The following PRELID2 variants were observed in gnomAD, a reference collection of about 807,000 sequenced individuals.
PRELID2 encodes the protein PRELI domain containing 2, also known as PRELI domain-containing protein 2.
A neutral mutation model predicts 28.4 loss-of-function variants in PRELID2; 25 were observed. That is an observed-to-expected ratio of 0.88 (90% CI 0.64 to 1.23). The LOEUF (loss-of-function observed/expected upper bound fraction) is 1.23, where lower values mean the gene tolerates loss of function less well. Ranked by LOEUF, PRELID2 falls within the 50% of genes most tolerant of loss-of-function variation. PRELID2 has a pLI of 0.00. For synonymous variants in PRELID2, 76 were observed against 71.6 expected (o/e 1.06, Z -0.31); for missense variants, 201 against 214.4 (o/e 0.94, Z 0.39).
At chr5:145,768,686 T>C (rs1485307206) in intron 5 of PRELID2, among the ~76,000 whole-genome samples, 1 of 152,158 alleles carries the variant, frequency 6.6e-6, no homozygotes, top group Non-Finnish European at 1.5e-5. Flanking sequence ...CTGCAAACTT[T>C]CCCATCCATC....
At chr5:145,290,818 AT>A in the PRELID2 span, among the ~76,000 whole-genome samples, 437 of 147,204 alleles carry the variant, frequency 3.0e-3, 1 homozygote, top group Middle Eastern at 0.01. Context: ...GTGTTTTGTA[AT>A]TTTTTTTTTT....
the PRELID2 span, among the ~76,000 whole-genome samples, chr5:145,277,221 T>C: frequency 6.6e-6 from 1 of 152,104 alleles, no homozygotes; most frequent in Admixed American, 6.6e-5. Context: ...AAATGTTCAG[T>C]AAACAAAATT....
At chr5:145,762,933 A>G (rs969775138) in intron 6 of PRELID2, among the ~76,000 whole-genome samples, 1 of 152,170 alleles carries the variant, frequency 6.6e-6, no homozygotes, top group African/African-American at 2.4e-5. Context: ...CCATTCTCAA[A>G]GTGTGGCCCC....
At chr5:145,492,808 T>C (rs1310597579) in intron 1 of PRELID2, among the ~76,000 whole-genome samples, 2 of 140,510 alleles carry the variant, frequency 1.4e-5, no homozygotes, top group Admixed American at 1.4e-4. Flanking sequence ...AGGCCAGAGA[T>C]TGAGTCCACC....
the PRELID2 span, among the ~76,000 whole-genome samples, chr5:145,315,835 GATA>G: frequency 4.4e-3 from 674 of 152,202 alleles, 6 homozygotes; most frequent in African/African-American, 0.015. Flanking sequence ...TGATTGTGGT[GATA>G]ATTTTACAAT....
chr5:145,239,372 T>C, the PRELID2 span, among the ~76,000 whole-genome samples: 3 of 151,998 alleles, frequency 2.0e-5, no homozygotes, highest in African/African-American at 7.2e-5. Flanking sequence ...ACATAGTCTC[T>C]GGTCTCAAGG....
chr5:145,258,493 T>A, the PRELID2 span, among the ~76,000 whole-genome samples: 1 of 152,168 alleles, frequency 6.6e-6, no homozygotes, highest in African/African-American at 2.4e-5. Flanking sequence ...ACTTTTATCA[T>A]GCCTTAGCAA....
the PRELID2 span, among the ~76,000 whole-genome samples, chr5:145,287,082 C>T: frequency 6.6e-6 from 1 of 152,274 alleles, no homozygotes; most frequent in East Asian, 1.9e-4. Context: ...ATTTTTTAAA[C>T]ACATTTTACT....
chr5:145,573,411 A>T (rs577150072), intron 1 of PRELID2, among the ~76,000 whole-genome samples: 1 of 151,582 alleles, frequency 6.6e-6, no homozygotes, highest in South Asian at 2.1e-4. Context: ...TACATGTGCT[A>T]TGGTGGTTTG....
chr5:145,635,176 G>C (rs1753983374), intron 1 of PRELID2, among the ~76,000 whole-genome samples: 1 of 152,076 alleles, frequency 6.6e-6, no homozygotes, highest in Non-Finnish European at 1.5e-5. Context: ...AGCACTTTGG[G>C]GTTTTTGTCT....
At chr5:145,281,357 G>C in the PRELID2 span, among the ~76,000 whole-genome samples, 4 of 152,144 alleles carry the variant, frequency 2.6e-5, no homozygotes, top group Non-Finnish European at 5.9e-5. Context: ...ATGTCTCTTA[G>C]AGAGAGAGGT....
At chr5:145,311,736 C>T in the PRELID2 span, among the ~76,000 whole-genome samples, 2 of 152,140 alleles carry the variant, frequency 1.3e-5, no homozygotes, top group African/African-American at 4.8e-5. Context: ...ATTCCCATTA[C>T]TAGCAGGTGC....
chr5:145,626,203 T>A (rs753613092), intron 1 of PRELID2, among the ~76,000 whole-genome samples: 5 of 152,156 alleles, frequency 3.3e-5, no homozygotes, highest in African/African-American at 4.8e-5. Flanking sequence ...ACTTAAAACC[T>A]TCTTCATAAC....
chr5:145,665,322 G>A (rs1026211243), intron 1 of PRELID2, among the ~76,000 whole-genome samples: 2 of 152,066 alleles, frequency 1.3e-5, no homozygotes, highest in Admixed American at 6.6e-5. Context: ...GGCAATCGCT[G>A]TCTGGAACAC....
At chr5:145,761,192 G>T (rs534496420) in intron 6 of PRELID2, among the ~76,000 whole-genome samples, 1 of 152,230 alleles carries the variant, frequency 6.6e-6, no homozygotes, top group African/African-American at 2.4e-5. Flanking sequence ...CCCACAAAAC[G>T]TCTTTTAAGT....
At chr5:145,713,250 T>G (rs1435622121) in intron 1 of PRELID2, among the ~76,000 whole-genome samples, 1 of 150,432 alleles carries the variant, frequency 6.6e-6, no homozygotes, top group Non-Finnish European at 1.5e-5. Flanking sequence ...GTTAAACTAC[T>G]AAAAGCCAAA....
chr5:145,552,736 C>T (rs902474030), intron 1 of PRELID2, among the ~76,000 whole-genome samples: 2 of 152,138 alleles, frequency 1.3e-5, no homozygotes, highest in Non-Finnish European at 2.9e-5. Context: ...TTCTGTTGTT[C>T]ATCACTGAGA....
intron 1 of PRELID2, among the ~76,000 whole-genome samples, chr5:145,580,898 C>A (rs1395808377): frequency 6.6e-6 from 1 of 152,164 alleles, no homozygotes; most frequent in African/African-American, 2.4e-5. Flanking sequence ...TAGCAAGATG[C>A]CTGCTTGAAA....
chr5:145,468,080 C>T (rs1752019148), downstream of PRELID2, among the ~76,000 whole-genome samples: 1 of 152,070 alleles, frequency 6.6e-6, no homozygotes, highest in African/African-American at 2.4e-5. Context: ...CCCAACCCCA[C>T]AACAGGCCCC....
Sources: gnomAD v4.1 joint callset for allele counts (sites outside exome capture counted in the v4.1 genomes callset) on GRCh38, gnomAD v4.1.1 for gene constraint, MANE v1.5 for transcripts, NCBI Gene and HGNC (gene_info 2026-07-23, HGNC 2026-07-21) for gene names.